The following TBC1D22A variants were observed in gnomAD, a reference collection of about 807,000 sequenced individuals.
TBC1D22A encodes TBC1 domain family member 22A, also known as putative GTPase activator.
A neutral mutation model predicts 60.2 loss-of-function variants in TBC1D22A; 38 were observed. That is an observed-to-expected ratio of 0.63 (90% CI 0.49 to 0.83). The LOEUF is 0.83. TBC1D22A is among the 40% of genes least tolerant of loss of function. TBC1D22A has a pLI of 0.00. For missense variants in TBC1D22A, 628 were observed against 701.0 expected, an observed-to-expected ratio of 0.90 and a Z score of 1.18; for synonymous variants, 302 against 281.7, an observed-to-expected ratio of 1.07 and a Z score of -0.72.
intron 12 of TBC1D22A, among the ~76,000 whole-genome samples, chr22:47,156,765 G>C (rs1055804257): frequency 1.3e-5 from 2 of 152,234 alleles, no homozygotes; most frequent in Middle Eastern, 3.4e-3. Context: ...ACTTGCCTGC[G>C]TAGCCATCCG....
chr22:46,810,254 C>T (rs1195480502), intron 4 of TBC1D22A, among the ~76,000 whole-genome samples: 1 of 152,222 alleles, frequency 6.6e-6, no homozygotes, highest in African/African-American at 2.4e-5. Flanking sequence ...AGTGGTTCCT[C>T]AGGGCTTGCA....
chr22:46,778,946 A>T (rs1395677891), intron 1 of TBC1D22A, among the ~76,000 whole-genome samples: 4 of 152,168 alleles, frequency 2.6e-5, no homozygotes, highest in Non-Finnish European at 5.9e-5. Flanking sequence ...CAGGAGTCTG[A>T]GGCAGGAGAA....
intron 4 of TBC1D22A, among the ~76,000 whole-genome samples, chr22:46,826,053 T>C (rs958527049): frequency 1.3e-4 from 20 of 152,056 alleles, no homozygotes; most frequent in African/African-American, 4.6e-4. Context: ...TGGCTAATTT[T>C]TTGTATTTTT....
chr22:47,170,451 A>T (rs923045028), intron 12 of TBC1D22A, among the ~76,000 whole-genome samples: 1 of 152,228 alleles, frequency 6.6e-6, no homozygotes, highest in African/African-American at 2.4e-5. Flanking sequence ...CAGCAGATTG[A>T]TGTTGATATG....
chr22:47,076,333 G>GTGTGTA (rs1556103318), intron 11 of TBC1D22A, among the ~76,000 whole-genome samples: 16 of 134,286 alleles, frequency 1.2e-4, no homozygotes, highest in African/African-American at 4.4e-4. Context: ...GTATATGTGT[G>GTGTGTA]TGTGTGTGTA....
At chr22:46,925,143 C>T (rs928538827) in intron 8 of TBC1D22A, among the ~76,000 whole-genome samples, 6 of 152,242 alleles carry the variant, frequency 3.9e-5, no homozygotes, top group African/African-American at 1.4e-4. Flanking sequence ...TTTTACTTCC[C>T]TCCACCTTGT....
At chr22:47,008,957 G>C (rs2061669019) in intron 10 of TBC1D22A, among the ~76,000 whole-genome samples, 1 of 152,236 alleles carries the variant, frequency 6.6e-6, no homozygotes, top group South Asian at 2.1e-4. Flanking sequence ...GGACTAGTTT[G>C]TGGGTTAGAG....
At chr22:47,005,138 C>T (rs1034350671) in intron 10 of TBC1D22A, among the ~76,000 whole-genome samples, 2 of 151,814 alleles carry the variant, frequency 1.3e-5, no homozygotes, top group African/African-American at 4.9e-5. Flanking sequence ...CGTGTCTATA[C>T]ACAAACACAT....
intron 11 of TBC1D22A, among the ~76,000 whole-genome samples, chr22:47,076,641 T>G (rs1416526457): frequency 2.0e-5 from 3 of 152,094 alleles, no homozygotes; most frequent in Non-Finnish European, 4.4e-5. Flanking sequence ...TTCCTTCCAC[T>G]TGTTCTCCCT....
chr22:47,031,909 CCT>C (rs1043124260), intron 10 of TBC1D22A, among the ~76,000 whole-genome samples: 2 of 152,294 alleles, frequency 1.3e-5, no homozygotes, highest in East Asian at 1.9e-4. Flanking sequence ...GCTTTCCACC[CCT>C]GAGTCCCTGC....
intron 7 of TBC1D22A, among the ~76,000 whole-genome samples, chr22:46,899,131 A>G (rs1426541168): frequency 6.6e-6 from 1 of 152,092 alleles, no homozygotes; most frequent in Non-Finnish European, 1.5e-5. Flanking sequence ...ATGATGAGCA[A>G]GGGGCTTTAG....
intron 12 of TBC1D22A, among the ~76,000 whole-genome samples, chr22:47,166,675 G>A (rs1052428870): frequency 9.2e-5 from 14 of 152,204 alleles, no homozygotes; most frequent in Non-Finnish European, 1.5e-4. Context: ...ATACATGTAC[G>A]CCCTGCAGGG....
At chr22:47,140,123 A>C (rs1223935818) in intron 12 of TBC1D22A, among the ~76,000 whole-genome samples, 1 of 151,972 alleles carries the variant, frequency 6.6e-6, no homozygotes, top group Non-Finnish European at 1.5e-5. Context: ...GGAGCCACAG[A>C]CCTAATGTTG....
intron 5 of TBC1D22A, among the ~76,000 whole-genome samples, chr22:46,882,655 G>C (rs1602297923): frequency 6.6e-6 from 1 of 152,212 alleles, no homozygotes. Flanking sequence ...GGGAGGGTTC[G>C]GGTGAGCAGG....
chr22:46,878,773 C>T lies in TBC1D22A; in HGVS notation c.708+50C>T, dbSNP rs371662216. 24 of 1,575,848 alleles carry T rather than the reference C, an allele frequency of 1.5e-5. No homozygotes were observed. The African/African-American group carries it at 1.9e-4, about 12-fold the overall frequency. ...AGCGCCTCCTTCCTGTGCACAGGGA[C>T]TGCAGGCGTCTGGCCTGAGTAGGGC... On this transcript the variant is annotated intron_variant, in intron 5 of 12. Coordinates refer to ENST00000337137, the MANE Select transcript of TBC1D22A (RefSeq NM_014346.5).
intron 8 of TBC1D22A, chr22:46,915,105 GAGA>G (rs888327643): frequency 3.4e-6 from 1 of 298,216 alleles, no homozygotes; most frequent in African/African-American, 2.2e-5. Flanking sequence ...CTGCAGTGCT[GAGA>G]AGGAGAAGCT....
rs532357666 is a variant in TBC1D22A, at chr22:46,917,657, G to C, written c.1015+5469G>C. 3.9e-5 allele frequency among the ~76,000 whole-genome samples: 6 copies of C among 152,282 alleles called. No individual in the cohort carries two copies. In the East Asian group the frequency reaches 9.7e-4, roughly 24 times the overall value. Reference sequence around the variant, plus strand: ...AAGAGTCTGTTGGGATCCGGGCCTTGGCAGGAGATCTGCAGTGGAGGTTAG... The same window carrying C: ...AAGAGTCTGTTGGGATCCGGGCCTTCGCAGGAGATCTGCAGTGGAGGTTAG... On this transcript the variant is annotated intron_variant, in intron 8 of 12. Transcript: ENST00000337137.
intron 11 of TBC1D22A, among the ~76,000 whole-genome samples, chr22:47,105,233 G>A (rs1008307330): frequency 1.2e-4 from 18 of 151,906 alleles, no homozygotes; most frequent in African/African-American, 4.1e-4. Context: ...GAAATGAGTG[G>A]ATTTAAAAAA....
At chr22:46,825,685 G>T (rs2086023547) in intron 4 of TBC1D22A, among the ~76,000 whole-genome samples, 1 of 152,006 alleles carries the variant, frequency 6.6e-6, no homozygotes, top group African/African-American at 2.4e-5. Flanking sequence ...TGTTGGCCAG[G>T]CTGGTCTCGA....
Sources: gnomAD v4.1 joint callset for allele counts (sites outside exome capture counted in the v4.1 genomes callset) on GRCh38, gnomAD v4.1.1 for gene constraint, MANE v1.5 for transcripts, NCBI Gene and HGNC (gene_info 2026-07-23, HGNC 2026-07-21) for gene names.